ZNF112: variants seen among roughly 807,000 people sequenced by gnomAD.
ZNF112 encodes the protein zinc finger protein 112.
A neutral mutation model predicts 77.7 loss-of-function variants in ZNF112; 37 were observed. The ratio of observed to expected loss-of-function variants is 0.48; its 90% confidence interval spans 0.37 to 0.63. The LOEUF (loss-of-function observed/expected upper bound fraction) is 0.63, where lower values mean the gene tolerates loss of function less well. Among genes scored for constraint, ZNF112 ranks in the 20% least tolerant of loss-of-function variants. The pLI is 0.00. For synonymous variants in ZNF112, 333 were observed against 363.6 expected, an observed-to-expected ratio of 0.92 and a Z score of 0.96; for missense variants, 950 against 1,077.4, an observed-to-expected ratio of 0.88 and a Z score of 1.66.
chr19:44,358,394 G>A (rs1970820050), upstream of ZNF112, among the ~76,000 whole-genome samples: 1 of 152,158 alleles, frequency 6.6e-6, no homozygotes, highest in South Asian at 2.1e-4. Context: ...ACAAACATCT[G>A]GCAGAGGAAA....
chr19:44,357,713 AT>A (rs1332277800), upstream of ZNF112, among the ~76,000 whole-genome samples: 3 of 152,162 alleles, frequency 2.0e-5, no homozygotes, highest in Non-Finnish European at 2.9e-5. Flanking sequence ...ACAAAATGTT[AT>A]TATTATGGGA....
At chr19:44,352,127 G>T (rs1219434834) in intron 1 of ZNF112, among the ~76,000 whole-genome samples, 1 of 152,048 alleles carries the variant, frequency 6.6e-6, no homozygotes, top group African/African-American at 2.4e-5. Flanking sequence ...GATGTTTCTG[G>T]GCGATGGAAC....
intron 1 of ZNF112, among the ~76,000 whole-genome samples, chr19:44,346,567 C>T (rs1346041265): frequency 1.3e-5 from 2 of 152,182 alleles, no homozygotes; most frequent in Non-Finnish European, 2.9e-5. Context: ...CCCACCAAAA[C>T]TGATCAGAGA....
chr19:44,360,471 A>C (rs982314779), upstream of ZNF112, among the ~76,000 whole-genome samples: 1 of 152,206 alleles, frequency 6.6e-6, no homozygotes, highest in Admixed American at 6.5e-5. Flanking sequence ...AATGGCAACA[A>C]ATATCAAAAG....
chr19:44,327,459 T>C lies in ZNF112; in HGVS notation c.2698A>G (p.Arg900Gly), dbSNP rs745700440. 3 of 1,607,734 alleles carry C rather than the reference T, an allele frequency of 1.9e-6. No homozygotes were observed. In the South Asian group the frequency reaches 3.3e-5, roughly 18 times the overall value. Residue 900 changes from arginine to glycine, a missense_variant, in exon 4 of 4, where the codon AGA (arginine) becomes GGA (glycine). Arg to Gly is a moderately radical substitution (Grantham distance 125). Transcript: ENST00000354340. ...KDYPSSENLH[R>G]NEDSVLF ...CAAAACAAAACAGAATCTTCATTTC[T>C]GTGTAGATTCTCTGATGAAGGGTAG...
chr19:44,347,506 T>TTTTTTTTA (rs151128809), intron 1 of ZNF112, among the ~76,000 whole-genome samples: 3 of 100,094 alleles, frequency 3.0e-5, no homozygotes, highest in Admixed American at 1.2e-4. Context: ...TTTTTTTTTT[T>TTTTTTTTA]ACTATTCCAT....
intron 3 of ZNF112, among the ~76,000 whole-genome samples, chr19:44,333,006 T>C (rs1300028699): frequency 2.0e-5 from 3 of 152,226 alleles, no homozygotes; most frequent in Admixed American, 2.0e-4. Flanking sequence ...GTTAAGTTTA[T>C]AAATGAACTT....
chr19:44,341,977 G>C lies in ZNF112; in HGVS notation c.-3-1435C>G, dbSNP rs546918317. Among the ~76,000 whole-genome samples, 129 of 152,262 alleles carry C rather than the reference G, an allele frequency of 8.5e-4. 3 individuals carry two copies. The South Asian group carries it at 0.026, about 31-fold the overall frequency. On this transcript the variant is annotated intron_variant, in intron 1 of 3. Coordinates refer to ENST00000354340, the MANE Select transcript of ZNF112 (RefSeq NM_013380.4). ...CCCAGAAAGCAAAGGCTTTAGAGTT[G>C]GCCCAATGCTTATCTTCCTGTATGA...
intron 2 of ZNF112, among the ~76,000 whole-genome samples, chr19:44,337,376 T>TTA (rs1970394614): frequency 1.7e-5 from 1 of 59,796 alleles, no homozygotes; most frequent in African/African-American, 7.7e-5. Context: ...TATATATATT[T>TTA]TATATATAAT....
At position 44,328,025 on chromosome 19, in the gene ZNF112, C is replaced by A. The variant is rs767238202; in HGVS notation, c.2132G>T (p.Gly711Val). ...TACCTCACATATATATGGTCTTTCT[C>A]CAGAATGGACACTCTGATGACTCTG... ...YLQSHQSVHS[G>V]ERPYICEVCG... Residue 711 changes from glycine (G) to valine (V), a missense_variant, in exon 4 of 4, where the codon GGA (glycine) becomes GTA (valine). Around this residue, in one of 3 missense-constraint regions of ZNF112, gnomAD observed 373 missense variants for 482.8 expected, o/e 0.77. Transcript: ENST00000354340. The A allele has an allele frequency of 3.7e-6, 6 of 1,613,810 alleles. No homozygotes were observed. The highest frequency in any genetic ancestry group is 5.1e-6 in the Non-Finnish European group (6 of 1,179,960).
At chr19:44,344,036 T>C (rs1164444718) in intron 1 of ZNF112, among the ~76,000 whole-genome samples, 1 of 152,204 alleles carries the variant, frequency 6.6e-6, no homozygotes, top group Non-Finnish European at 1.5e-5. Context: ...GGCTAGTAAA[T>C]ATTCTTCCTG....
chr19:44,351,518 T>C (rs993136317), intron 1 of ZNF112, among the ~76,000 whole-genome samples: 2 of 152,104 alleles, frequency 1.3e-5, no homozygotes, highest in African/African-American at 2.4e-5. Context: ...CAGATGAACA[T>C]TTACAGTCAA....
intron 1 of ZNF112, chr19:44,343,379 G>C (rs1361688950): frequency 1.6e-6 from 2 of 1,233,798 alleles, no homozygotes; most frequent in East Asian, 2.4e-5. Flanking sequence ...ATTAGAAAAA[G>C]GTGTCCCTTC....
At chr19:44,366,863 T>G (rs1350485612) in intron 1 of ZNF112, among the ~76,000 whole-genome samples, 1 of 152,194 alleles carries the variant, frequency 6.6e-6, no homozygotes, top group Non-Finnish European at 1.5e-5. Flanking sequence ...TCTCATTTAA[T>G]TCTCCACTCA....
At chr19:44,359,315 C>CTTTTTTTTTTTTTTTTTTTTTTT (rs767955186), upstream of ZNF112, among the ~76,000 whole-genome samples, 1 of 54,834 alleles carries the variant, frequency 1.8e-5, no homozygotes, top group Admixed American at 2.5e-4. Flanking sequence ...TATTAGAGTT[C>CTTTTTTTTTTTTTTTTTTTTTTT]TTTTTTTTTT....
At chr19:44,332,579 T>C (rs990021874) in intron 3 of ZNF112, among the ~76,000 whole-genome samples, 1 of 152,220 alleles carries the variant, frequency 6.6e-6, no homozygotes, top group Non-Finnish European at 1.5e-5. Flanking sequence ...GTTTTACTAT[T>C]ATAAAAAACA....
At chr19:44,333,337 T>C (rs1456099950) in intron 3 of ZNF112, among the ~76,000 whole-genome samples, 1 of 152,234 alleles carries the variant, frequency 6.6e-6, no homozygotes, top group African/African-American at 2.4e-5. Context: ...TGAGATCACC[T>C]TCCGTTCTTA....
chr19:44,346,401 G>A (rs2356881), intron 1 of ZNF112, among the ~76,000 whole-genome samples: 62,390 of 152,104 alleles, frequency 0.41, 14,916 homozygotes, highest in South Asian at 0.58. Flanking sequence ...GTTAGCCATT[G>A]TTACTACCAT....
chr19:44,331,781 A>G (rs994947126), intron 3 of ZNF112, among the ~76,000 whole-genome samples: 2 of 152,204 alleles, frequency 1.3e-5, no homozygotes, highest in Non-Finnish European at 2.9e-5. Context: ...TCATAGAACT[A>G]AAAGAGCATG....
Sources: gnomAD v4.1 joint callset for allele counts (sites outside exome capture counted in the v4.1 genomes callset) on GRCh38, gnomAD v4.1.1 for gene constraint, gnomAD v4.1.1 regional missense constraint, MANE v1.5 for transcripts, NCBI Gene and HGNC (gene_info 2026-07-23, HGNC 2026-07-21) for gene names.